CNOT2: variants seen among roughly 807,000 people sequenced by gnomAD.
The protein encoded by CNOT2 is CC chemokine receptor 4-negative regulator of transcription 2.
A neutral mutation model predicts 72.1 loss-of-function variants in CNOT2; 7 were observed. The observed-to-expected ratio is 0.10, with a 90% CI of 0.06 to 0.18. The LOEUF (loss-of-function observed/expected upper bound fraction) is 0.18, where lower values mean the gene tolerates loss of function less well. CNOT2 is among the 10% of genes least tolerant of loss of function. The pLI is 1.00. For missense variants in CNOT2, 345 were observed against 660.3 expected, an observed-to-expected ratio of 0.52 and a Z score of 5.23; for synonymous variants, 196 against 225.6, an observed-to-expected ratio of 0.87 and a Z score of 1.17.
At chr12:70,337,222 T>G in intron 8 of CNOT2, 167 bp from the exon 9 acceptor site, 1 of 507,236 alleles carries the variant, frequency 2.0e-6, no homozygotes, top group Non-Finnish European at 3.5e-6. Context: ...AAATGAAAAT[T>G]TAGTTCTTCA....
intron 8 of CNOT2, 27 bp from the exon 9 acceptor site, chr12:70,337,362 A>G (rs1275358275): frequency 2.5e-6 from 4 of 1,585,800 alleles, no homozygotes; most frequent in Admixed American, 3.4e-5. Flanking sequence ...ATCAATTGCA[A>G]TTCTCCGGAT....
At position 70,338,767 on chromosome 12, in the gene CNOT2, C is replaced by T; in HGVS notation, c.1123C>T (p.His375Tyr). ...AGCAGAGACAGACCCAGGAATGGTA[C>T]ATCTTGCATTAGGAAGTGACTTAAC... ...RAAETDPGMV[H>Y]LALGSDLTTL... The change falls in exon 11 of 16, where the codon CAT becomes TAT. Residue 375 changes from histidine (H) to tyrosine (Y), a missense_variant. By Grantham distance (83) the His-to-Tyr change is moderately conservative. This residue lies in a region of CNOT2 where 128 missense variants were observed against 233.0 expected (regional missense o/e 0.55). Coordinates refer to ENST00000229195, the MANE Select transcript of CNOT2 (RefSeq NM_014515.7). 3 of 1,613,490 alleles carry T rather than the reference C, an allele frequency of 1.9e-6. No homozygotes were observed. Among genetic ancestry groups the T allele is most frequent in the Non-Finnish European group, 8.5e-7 (1 of 1,179,570 alleles).
At chr12:70,289,856 C>G (rs1871570960) in intron 2 of CNOT2, among the ~76,000 whole-genome samples, 1 of 151,230 alleles carries the variant, frequency 6.6e-6, no homozygotes, top group Non-Finnish European at 1.5e-5. Flanking sequence ...ATTATCTGTT[C>G]TCTTTTAGGG....
At chr12:70,337,310 G>A (rs754486698) in intron 8 of CNOT2, 79 bp from the exon 9 acceptor site, 29 of 1,237,764 alleles carry the variant, frequency 2.3e-5, no homozygotes, top group Non-Finnish European at 3.4e-5. Flanking sequence ...GTATTATCAT[G>A]AGGAAAGTTA....
rs528671809 is a variant in CNOT2, at chr12:70,263,159, G to T, written c.-95-14973G>T. On this transcript the variant is annotated intron_variant, in intron 1 of 15. Coordinates refer to ENST00000229195, the MANE Select transcript of CNOT2 (RefSeq NM_014515.7). ...AGTCTTTTTGTCATTGGCTTCCAAC[G>T]TTTTGTGCTATGATGTTTCTGGGCA... Among the ~76,000 whole-genome samples the T allele has an allele frequency of 3.9e-5, 6 of 152,096 alleles. 1 individual carries two copies. The highest frequency in any genetic ancestry group is 8.8e-5 in the Non-Finnish European group (6 of 68,028).
At chr12:70,346,349 G>A (rs776470294) in intron 15 of CNOT2, 25 bp downstream of exon 15, 4 of 1,590,848 alleles carry the variant, frequency 2.5e-6, no homozygotes, top group Non-Finnish European at 3.4e-6. Flanking sequence ...ATGTGCAAAT[G>A]TATAAATCTA....
chr12:70,290,022 A>G (rs901458106), intron 2 of CNOT2, among the ~76,000 whole-genome samples: 1 of 152,074 alleles, frequency 6.6e-6, no homozygotes, highest in Non-Finnish European at 1.5e-5. Flanking sequence ...GATCTTTGAG[A>G]CATCCTTTTC....
At chr12:70,306,516 G>A (rs1420221426) in intron 2 of CNOT2, among the ~76,000 whole-genome samples, 1 of 152,146 alleles carries the variant, frequency 6.6e-6, no homozygotes, top group Non-Finnish European at 1.5e-5. Context: ...AAGATTAAAT[G>A]TCTTGATTAA....
chr12:70,259,902 G>T (rs1958667059), intron 1 of CNOT2, among the ~76,000 whole-genome samples: 1 of 152,150 alleles, frequency 6.6e-6, no homozygotes, highest in Non-Finnish European at 1.5e-5. Flanking sequence ...ATGATTTGGA[G>T]CTCAGTATTT....
chr12:70,329,348 C>T (rs996436918), intron 4 of CNOT2, 75 bp from the exon 5 acceptor site: 25 of 1,214,306 alleles, frequency 2.1e-5, no homozygotes, highest in African/African-American at 6.0e-5. Flanking sequence ...TGTCTTAAAT[C>T]GCCAACTCCA....
At chr12:70,264,200 C>A (rs902951035) in intron 1 of CNOT2, among the ~76,000 whole-genome samples, 1 of 152,090 alleles carries the variant, frequency 6.6e-6, no homozygotes, top group African/African-American at 2.4e-5. Context: ...TTATGAACTG[C>A]GGAGGTCTGT....
intron 3 of CNOT2, 161 bp from the exon 4 acceptor site, chr12:70,319,134 TAAG>T: frequency 6.1e-6 from 3 of 494,282 alleles, no homozygotes; most frequent in South Asian, 5.5e-5. Flanking sequence ...GATATTCTCT[TAAG>T]AAACATGGAA....
intron 1 of CNOT2, among the ~76,000 whole-genome samples, chr12:70,267,683 A>G (rs1164290759): frequency 6.6e-6 from 1 of 152,214 alleles, no homozygotes; most frequent in African/African-American, 2.4e-5. Context: ...TTTCATATGT[A>G]TTACATTTGT....
chr12:70,353,369 G>A (rs568612686), intron 15 of CNOT2, among the ~76,000 whole-genome samples: 42 of 152,082 alleles, frequency 2.8e-4, no homozygotes, highest in South Asian at 4.1e-4. Context: ...GCCACTGTGC[G>A]CGGCCCTGCT....
At chr12:70,344,265 G>A (rs984493774) in intron 14 of CNOT2, 37 bp downstream of exon 14, 1 of 1,309,738 alleles carries the variant, frequency 7.6e-7, no homozygotes, top group Admixed American at 1.7e-5. Flanking sequence ...TTGTATTATA[G>A]TGGATCTTGA....
chr12:70,291,055 A>G (rs1871812046), intron 2 of CNOT2, among the ~76,000 whole-genome samples: 1 of 152,192 alleles, frequency 6.6e-6, no homozygotes, highest in African/African-American at 2.4e-5. Context: ...GTTCTTATGT[A>G]GAATTGTCAT....
At chr12:70,250,941 G>GA (rs1395215547) in intron 1 of CNOT2, among the ~76,000 whole-genome samples, 3 of 152,096 alleles carry the variant, frequency 2.0e-5, no homozygotes, top group Non-Finnish European at 4.4e-5. Context: ...AGAGCAATAG[G>GA]AAGGAGGGAT....
chr12:70,332,886 A>G (rs762615083), intron 7 of CNOT2, 40 bp downstream of exon 7: 1 of 1,540,668 alleles, frequency 6.5e-7, no homozygotes. Context: ...AAAAAGTATG[A>G]TAGATTTATG....
intron 3 of CNOT2, among the ~76,000 whole-genome samples, chr12:70,312,953 T>C (rs1043548698): frequency 2.6e-5 from 4 of 151,984 alleles, no homozygotes; most frequent in Admixed American, 2.6e-4. Flanking sequence ...TAAATATTTT[T>C]ATTGAAAAAT....
Sources: allele counts gnomAD v4.1 joint callset (sites outside exome capture counted in the v4.1 genomes callset), GRCh38; gene constraint gnomAD v4.1.1; regional missense constraint gnomAD v4.1.1; transcripts MANE v1.5; gene names NCBI Gene and HGNC (gene_info 2026-07-23, HGNC 2026-07-21).